The following ASIC2 variants were observed in gnomAD, a reference collection of about 807,000 sequenced individuals.
The protein encoded by ASIC2 is acid-sensing ion channel 2.
A neutral mutation model predicts 57.3 loss-of-function variants in ASIC2; 25 were observed. That is an observed-to-expected ratio of 0.44 (90% CI 0.32 to 0.61). The LOEUF (loss-of-function observed/expected upper bound fraction) is 0.61. ASIC2 is among the 20% of genes least tolerant of loss of function. The probability of loss-of-function intolerance (pLI) is 0.06; values close to 1 mark genes in which losing one functional copy is unlikely to be tolerated. For missense variants in ASIC2, 641 were observed against 738.1 expected (o/e 0.87, Z 1.52); for synonymous variants, 319 against 307.5 (o/e 1.04, Z -0.39).
chr17:33,690,711 T>C (rs1013249138), intron 1 of ASIC2, among the ~76,000 whole-genome samples: 2 of 151,678 alleles, frequency 1.3e-5, no homozygotes, highest in Non-Finnish European at 2.9e-5. Flanking sequence ...AAATTTACTT[T>C]AGGCATGTAA....
intron 1 of ASIC2, among the ~76,000 whole-genome samples, chr17:33,198,919 C>T (rs1426158694): frequency 6.6e-6 from 1 of 152,182 alleles, no homozygotes; most frequent in Non-Finnish European, 1.5e-5. Flanking sequence ...GGAGACCTGG[C>T]TCATGATAAC....
chr17:33,024,099 A>G (rs1381420426), intron 5 of ASIC2, 85 bp from the exon 6 acceptor site: 3 of 1,561,594 alleles, frequency 1.9e-6, no homozygotes, highest in Admixed American at 3.4e-5. Context: ...GTAGCAGCTG[A>G]GAAATGAGCT....
At chr17:34,087,155 C>T (rs1289637532) in intron 1 of ASIC2, among the ~76,000 whole-genome samples, 2 of 151,946 alleles carry the variant, frequency 1.3e-5, no homozygotes, top group Non-Finnish European at 2.9e-5. Context: ...TACATTTTGG[C>T]ACGATTTTGC....
At chr17:33,985,143 A>C (rs1182556038) in intron 1 of ASIC2, among the ~76,000 whole-genome samples, 1 of 152,222 alleles carries the variant, frequency 6.6e-6, no homozygotes, top group Non-Finnish European at 1.5e-5. Flanking sequence ...GAATTATTAA[A>C]GGCATGGAGG....
intron 1 of ASIC2, chr17:34,005,651 T>C (rs1433379612): frequency 2.0e-5 from 3 of 152,180 alleles, no homozygotes; most frequent in Non-Finnish European, 4.4e-5. Flanking sequence ...CTGGGATGAT[T>C]TTACCTGGAG....
chr17:33,029,483 T>C (rs1377776998), intron 3 of ASIC2, among the ~76,000 whole-genome samples: 1 of 152,244 alleles, frequency 6.6e-6, no homozygotes, highest in Non-Finnish European at 1.5e-5. Context: ...TACTGAATAG[T>C]TTTCCAGCAT....
chr17:33,937,133 A>T (rs1567761583), intron 1 of ASIC2, among the ~76,000 whole-genome samples: 1 of 152,098 alleles, frequency 6.6e-6, no homozygotes. Flanking sequence ...ATGAAGTCTC[A>T]CTCTGTCACC....
intron 1 of ASIC2, among the ~76,000 whole-genome samples, chr17:33,867,519 T>C (rs1218150967): frequency 6.6e-6 from 1 of 152,186 alleles, no homozygotes; most frequent in Non-Finnish European, 1.5e-5. Flanking sequence ...ACTGGGCCCT[T>C]TTGCCAACCA....
rs186141766 is a variant in ASIC2 at position 33,166,043 on chromosome 17, C to T, written c.709-53976G>A. On this transcript the variant is annotated intron_variant, in intron 1 of 9. Coordinates refer to ENST00000225823, the MANE Select transcript of ASIC2 (RefSeq NM_183377.2). ...TAGTGGACACTGTAATATCCAGAGA[C>T]ATTACGCATGTATGGACACTGCACT... 2.3e-3 allele frequency among the ~76,000 whole-genome samples: 351 copies of T among 152,302 alleles called. 5 individuals carry two copies. The highest frequency in any genetic ancestry group is 0.01 in the Middle Eastern group (3 of 294).
intron 1 of ASIC2, among the ~76,000 whole-genome samples, chr17:33,554,225 T>C (rs1915837429): frequency 6.6e-6 from 1 of 152,226 alleles, no homozygotes; most frequent in Admixed American, 6.5e-5. Context: ...ACAGTGTTAT[T>C]TGATTGTGTT....
chr17:33,546,117 A>ATATATGTAAATATATATACACATATG lies in ASIC2; in HGVS notation c.556-434076_556-434051dup, dbSNP rs1161308308. On this transcript the variant is annotated intron_variant, in intron 1 of 9. Coordinates refer to the ASIC2 transcript ENST00000359872. ...AGTTTTCTCATATATATGTGCATAT[A>ATATATGTAAATATATATACACATATG]TATATGTAAATATATATACACATAT... is the stretch of plus-strand genomic sequence containing the variant. 8.1e-3 allele frequency among the ~76,000 whole-genome samples: 1,223 copies of ATATATGTAAATATATATACACATATG among 150,494 alleles called. 11 individuals carry two copies. The highest frequency in any genetic ancestry group is 0.028 in the Middle Eastern group (8 of 282).
Position 33,187,418 on chromosome 17 carries a change from C to T in ASIC2, c.709-75351G>A, listed in dbSNP as rs1906239686. Among the ~76,000 whole-genome samples the T allele has an allele frequency of 2.0e-5, 3 of 152,250 alleles. No individual in the cohort carries two copies. In the South Asian group the frequency reaches 6.2e-4, roughly 32 times the overall value. ...AATGCTTTCCAAGAGTTCATTAAAT[C>T]CCGAAGCATGGATTTTTACACTATA... is the stretch of plus-strand genomic sequence containing the variant. On this transcript the variant is annotated intron_variant, in intron 1 of 9. Coordinates refer to ENST00000225823, the MANE Select transcript of ASIC2 (RefSeq NM_183377.2).
At chr17:33,498,509 G>A (rs1386842861) in intron 1 of ASIC2, among the ~76,000 whole-genome samples, 1 of 152,180 alleles carries the variant, frequency 6.6e-6, no homozygotes, top group East Asian at 1.9e-4. Flanking sequence ...CCCTGGGTGA[G>A]GGAAGAGCAG....
chr17:34,154,707 A>G (rs1363150429), intron 1 of ASIC2, among the ~76,000 whole-genome samples: 1 of 152,190 alleles, frequency 6.6e-6, no homozygotes, highest in African/African-American at 2.4e-5. Context: ...AGGACCCTAG[A>G]CAAGTGCTGG....
chr17:34,075,774 A>G (rs374765458), intron 1 of ASIC2, among the ~76,000 whole-genome samples: 2 of 149,786 alleles, frequency 1.3e-5, no homozygotes, highest in African/African-American at 4.9e-5. Context: ...TTGGTTCAGA[A>G]TGCTCTTCCT....
At chr17:34,054,094 G>A (rs186017931) in intron 1 of ASIC2, among the ~76,000 whole-genome samples, 4 of 152,356 alleles carry the variant, frequency 2.6e-5, no homozygotes, top group African/African-American at 9.6e-5. Context: ...TCAACCGTAT[G>A]TTCTTTTCAT....
intron 3 of ASIC2, chr17:33,052,474 T>A (rs2091980726): frequency 6.6e-6 from 1 of 152,182 alleles, no homozygotes; most frequent in South Asian, 2.1e-4. Context: ...CTCCTGTCGA[T>A]GCGAGAGGGA....
intron 1 of ASIC2, among the ~76,000 whole-genome samples, chr17:33,119,052 A>G (rs1597587107): frequency 6.6e-6 from 1 of 152,256 alleles, no homozygotes; most frequent in South Asian, 2.1e-4. Flanking sequence ...TGCAAACAAC[A>G]TTTCTACGCT....
intron 3 of ASIC2, among the ~76,000 whole-genome samples, chr17:33,067,016 C>T (rs1013814650): frequency 6.6e-6 from 1 of 152,092 alleles, no homozygotes; most frequent in African/African-American, 2.4e-5. Flanking sequence ...GAGTTAGTTA[C>T]CAAGCAGGCC....
Sources: allele counts gnomAD v4.1 joint callset (sites outside exome capture counted in the v4.1 genomes callset), GRCh38; gene constraint gnomAD v4.1.1; transcripts MANE v1.5; gene names NCBI Gene and HGNC (gene_info 2026-07-23, HGNC 2026-07-21).